The following TRPM6 variants were observed in gnomAD, a reference collection of about 807,000 sequenced individuals.
TRPM6 encodes the protein transient receptor potential cation channel subfamily M member 6, also known as channel kinase 2.
In TRPM6, 111 loss-of-function variants were observed where a neutral mutation model predicts 247.6. The observed-to-expected ratio is 0.45, with a 90% CI of 0.38 to 0.52. The LOEUF is 0.52. Ranked by LOEUF, TRPM6 falls within the 20% of genes least tolerant of loss-of-function variation. The probability of loss-of-function intolerance (pLI) is 0.00; values close to 1 mark genes in which losing one functional copy is unlikely to be tolerated. For missense variants in TRPM6, 2,126 were observed against 2,421.5 expected, an observed-to-expected ratio of 0.88 and a Z score of 2.56; for synonymous variants, 892 against 853.8, an observed-to-expected ratio of 1.04 and a Z score of -0.78.
intron 7 of TRPM6, among the ~76,000 whole-genome samples, chr9:74,823,115 T>C (rs1033060531): frequency 3.9e-5 from 6 of 152,346 alleles, no homozygotes; most frequent in African/African-American, 1.2e-4. Context: ...GAAGAAAATT[T>C]GGCAAGCAAT....
chr9:74,856,763 G>A (rs1830538240), intron 2 of TRPM6, among the ~76,000 whole-genome samples: 1 of 151,960 alleles, frequency 6.6e-6, no homozygotes, highest in South Asian at 2.1e-4. Flanking sequence ...TTTAAAAAGT[G>A]AATTATCACC....
chr9:74,824,926 G>A (rs1257830242), intron 7 of TRPM6, among the ~76,000 whole-genome samples: 1 of 151,616 alleles, frequency 6.6e-6, no homozygotes, highest in Non-Finnish European at 1.5e-5. Context: ...ACAAGGGTTT[G>A]CCAGAGTCAC....
intron 5 of TRPM6, among the ~76,000 whole-genome samples, chr9:74,834,790 T>C (rs908440606): frequency 6.6e-6 from 1 of 152,156 alleles, no homozygotes; most frequent in African/African-American, 2.4e-5. Flanking sequence ...GGCTGCATAG[T>C]ATTCCATGGT....
At chr9:74,851,974 A>C (rs1483928427) in intron 3 of TRPM6, among the ~76,000 whole-genome samples, 1 of 151,494 alleles carries the variant, frequency 6.6e-6, no homozygotes, top group Admixed American at 6.6e-5. Context: ...AAAAATAAAA[A>C]ACAAAAAAAA....
At chr9:74,850,344 C>T (rs988398556) in intron 3 of TRPM6, among the ~76,000 whole-genome samples, 28 of 152,122 alleles carry the variant, frequency 1.8e-4, no homozygotes, top group African/African-American at 6.3e-4. Flanking sequence ...TGCGCTCCAG[C>T]CTGGGCGACA....
intron 11 of TRPM6, 32 bp downstream of exon 11, chr9:74,816,637 A>G (rs1828942076): frequency 8.3e-6 from 13 of 1,573,660 alleles, no homozygotes; most frequent in Non-Finnish European, 1.1e-5. Context: ...CACACAAAAT[A>G]TTTTTTCCGA....
chr9:74,834,166 G>A (rs1316843130), intron 5 of TRPM6, 44 bp from the exon 6 acceptor site: 4 of 1,612,028 alleles, frequency 2.5e-6, no homozygotes, highest in Admixed American at 1.7e-5. Context: ...TTCACAAATC[G>A]TGCAAAACAA....
At chr9:74,881,941 A>G (rs1831377734) in intron 1 of TRPM6, among the ~76,000 whole-genome samples, 1 of 152,214 alleles carries the variant, frequency 6.6e-6, no homozygotes, top group Non-Finnish European at 1.5e-5. Flanking sequence ...TCAAGAACAT[A>G]CATTGGTTAC....
At chr9:74,861,393 T>C (rs1830686276) in intron 1 of TRPM6, among the ~76,000 whole-genome samples, 1 of 152,176 alleles carries the variant, frequency 6.6e-6, no homozygotes, top group African/African-American at 2.4e-5. Flanking sequence ...CAATTAACTA[T>C]TTTTTTAATT....
chr9:74,859,667 A>T (rs537768765), intron 1 of TRPM6, among the ~76,000 whole-genome samples: 7 of 152,002 alleles, frequency 4.6e-5, no homozygotes, highest in African/African-American at 1.7e-4. Context: ...CCAGCTACTC[A>T]GGAGGCTGAG....
intron 1 of TRPM6, among the ~76,000 whole-genome samples, chr9:74,863,796 C>T (rs1001570619): frequency 5.3e-5 from 8 of 151,858 alleles, no homozygotes; most frequent in African/African-American, 1.5e-4. Flanking sequence ...CCGTGTTAGC[C>T]AGGGTGGTCT....
intron 1 of TRPM6, among the ~76,000 whole-genome samples, chr9:74,880,973 T>C (rs1045596118): frequency 6.6e-6 from 1 of 152,008 alleles, no homozygotes; most frequent in Non-Finnish European, 1.5e-5. Context: ...ACTTAACACA[T>C]ATAGATTGGC....
chr9:74,803,667 C>T (rs1332074835), intron 15 of TRPM6, 127 bp downstream of exon 15: 1 of 778,888 alleles, frequency 1.3e-6, no homozygotes, highest in East Asian at 2.4e-5. Context: ...TTGACTTGCA[C>T]CATCTGTTTA....
At position 74,743,992 on chromosome 9, in the gene TRPM6, C is replaced by T. The variant is rs193058158; in HGVS notation, c.5134+103G>A. ...AAGTGAACAATAACTTTTCAAGTCG[C>T]GAGCCATGTCAGTAACACAGAATTT... On this transcript the variant is annotated intron_variant, in intron 32 of 38. Coordinates refer to ENST00000360774, the MANE Select transcript of TRPM6 (RefSeq NM_017662.5). 4.2e-4 allele frequency: 487 copies of T among 1,158,960 alleles called. 1 individual carries two copies. Among genetic ancestry groups the T allele is most frequent in the Middle Eastern group, 1.0e-3 (5 of 5,012 alleles). The allele number at this position is 1,158,960 out of a possible 1,614,324, so 71.8% of individuals were successfully genotyped here.
chr9:74,875,162 C>T (rs1191340470), intron 1 of TRPM6: 1 of 422,520 alleles, frequency 2.4e-6, no homozygotes, highest in Non-Finnish European at 4.9e-6. Flanking sequence ...CCACCATCAT[C>T]ATCTGCAGGT....
chr9:74,821,361 C>T (rs1429280037), intron 8 of TRPM6, among the ~76,000 whole-genome samples: 3 of 152,120 alleles, frequency 2.0e-5, no homozygotes, highest in East Asian at 1.9e-4. Flanking sequence ...AAGGTCCTTA[C>T]GGCTGTAATG....
intron 2 of TRPM6, among the ~76,000 whole-genome samples, chr9:74,856,445 A>ATGTG (rs748325225): frequency 6.1e-4 from 77 of 125,300 alleles, no homozygotes; most frequent in East Asian, 4.6e-3. Context: ...GTCTCAAAAT[A>ATGTG]TGTGTGTGTG....
intron 24 of TRPM6, among the ~76,000 whole-genome samples, chr9:74,773,876 C>G (rs1827129273): frequency 6.6e-6 from 1 of 152,142 alleles, no homozygotes; most frequent in African/African-American, 2.4e-5. Context: ...AAAAAATTTT[C>G]AGACACTGAA....
chr9:74,759,139 T>A (rs185991607), intron 27 of TRPM6, among the ~76,000 whole-genome samples: 100 of 152,234 alleles, frequency 6.6e-4, no homozygotes, highest in African/African-American at 2.3e-3. Flanking sequence ...AAATACATCA[T>A]GTTCGTGAAT....
Sources: gnomAD v4.1 joint callset for allele counts (sites outside exome capture counted in the v4.1 genomes callset) on GRCh38, gnomAD v4.1.1 for gene constraint, MANE v1.5 for transcripts, NCBI Gene and HGNC (gene_info 2026-07-23, HGNC 2026-07-21) for gene names.